The following TTC17 variants were observed in gnomAD, a reference collection of about 807,000 sequenced individuals.
TTC17 encodes the protein tetratricopeptide repeat domain 17, also known as tetratricopeptide repeat protein 17.
In TTC17, 58 loss-of-function variants were observed where a neutral mutation model predicts 143.8. The observed-to-expected ratio is 0.40, with a 90% confidence interval of 0.33 to 0.50. The LOEUF (loss-of-function observed/expected upper bound fraction) is 0.50, where lower values mean the gene tolerates loss of function less well. Ranked by LOEUF, TTC17 falls within the 20% of genes least tolerant of loss-of-function variation. The pLI is 0.49. For missense variants in TTC17, 1,273 were observed against 1,392.5 expected (o/e 0.91, Z 1.37); for synonymous variants, 501 against 497.8 (o/e 1.01, Z -0.09).
intron 2 of TTC17, chr11:43,385,715 AAG>A (rs1857144360): frequency 6.6e-6 from 1 of 151,454 alleles, no homozygotes. Context: ...TGTCTTTAAA[AAG>A]AAAAAAAAAA....
chr11:43,373,090 A>G (rs1275139012), intron 1 of TTC17, among the ~76,000 whole-genome samples: 1 of 152,198 alleles, frequency 6.6e-6, no homozygotes, highest in Non-Finnish European at 1.5e-5. Context: ...TATCTCTGAA[A>G]GTGAAATTTC....
At chr11:43,415,137 T>G (rs1946747496) in intron 16 of TTC17, among the ~76,000 whole-genome samples, 1 of 152,188 alleles carries the variant, frequency 6.6e-6, no homozygotes, top group Admixed American at 6.6e-5. Flanking sequence ...TATACAGTTT[T>G]AATTGAAGCA....
intron 1 of TTC17, among the ~76,000 whole-genome samples, chr11:43,372,342 G>A (rs1040698868): frequency 2.0e-5 from 3 of 151,046 alleles, no homozygotes; most frequent in East Asian, 1.9e-4. Context: ...CACTCTTGTC[G>A]CCCAGGCTGG....
intron 5 of TTC17, among the ~76,000 whole-genome samples, chr11:43,394,442 A>G (rs935526661): frequency 1.3e-5 from 2 of 152,230 alleles, no homozygotes; most frequent in Non-Finnish European, 2.9e-5. Flanking sequence ...CAGTAGTTCA[A>G]GAGAGAGATG....
intron 2 of TTC17, among the ~76,000 whole-genome samples, chr11:43,382,416 TTAA>T (rs1319184563): frequency 2.6e-5 from 4 of 152,122 alleles, no homozygotes; most frequent in Non-Finnish European, 4.4e-5. Context: ...CTAGATAAAA[TTAA>T]TAATATGTAG....
In TTC17 at chr11:43,491,859, A is replaced by G. The variant is rs887157748; in HGVS notation, c.3151-161A>G. ...ATTTATATTCTGGTACAAGCACCTT[A>G]TCTATCACAGACCAGTAGCAAACAG... On this transcript the variant is annotated intron_variant, in intron 22 of 23. Transcript: ENST00000039989. 8.2e-5 allele frequency: 65 copies of G among 790,048 alleles called. No individual in the cohort carries two copies. The African/African-American group carries it at 1.1e-3, about 13-fold the overall frequency. 48.9% of individuals were successfully genotyped at this position (790,048 alleles called of 1,614,324 possible).
intron 2 of TTC17, among the ~76,000 whole-genome samples, chr11:43,385,190 A>G (rs1857124475): frequency 6.6e-6 from 1 of 152,224 alleles, no homozygotes; most frequent in Non-Finnish European, 1.5e-5. Context: ...ATCTATATAT[A>G]TCTATATGTA....
At chr11:43,480,232 A>G (rs1948260899) in intron 21 of TTC17, among the ~76,000 whole-genome samples, 1 of 152,220 alleles carries the variant, frequency 6.6e-6, no homozygotes, top group Admixed American at 6.5e-5. Context: ...AGCTTACTAT[A>G]TGCCATTTAC....
intron 21 of TTC17, among the ~76,000 whole-genome samples, chr11:43,470,479 C>T (rs150037094): frequency 2.6e-5 from 4 of 152,192 alleles, no homozygotes; most frequent in Non-Finnish European, 4.4e-5. Context: ...CCGTGACACT[C>T]AGAAGCTCAA....
intron 21 of TTC17, among the ~76,000 whole-genome samples, chr11:43,472,475 A>T (rs1305661922): frequency 2.0e-5 from 3 of 152,238 alleles, no homozygotes; most frequent in African/African-American, 7.2e-5. Flanking sequence ...ATAATGATAA[A>T]ATGATCACTA....
At chr11:43,445,040 A>C (rs920275633) in intron 18 of TTC17, among the ~76,000 whole-genome samples, 1 of 152,214 alleles carries the variant, frequency 6.6e-6, no homozygotes, top group Non-Finnish European at 1.5e-5. Flanking sequence ...CTTATAATAA[A>C]AATTTGTAAA....
chr11:43,434,140 T>TC (rs942735870), intron 16 of TTC17, among the ~76,000 whole-genome samples: 17 of 150,160 alleles, frequency 1.1e-4, no homozygotes, highest in African/African-American at 4.2e-4. Flanking sequence ...GCTCATGGCT[T>TC]CTTTCCCATT....
Position 43,494,044 on chromosome 11 carries a change from G to A in TTC17, c.*140G>A. ...CTTATAACAGGACTTTTACATATGT[G>A]GGAATTGGTTTGTTTTTGTTTTTAC... On this transcript the variant is annotated 3_prime_UTR_variant, in exon 24 of 24. Transcript: ENST00000039989. The A allele has an allele frequency of 8.0e-7, 1 of 1,250,040 alleles. No homozygotes were observed. The highest frequency in any genetic ancestry group is 1.1e-6 in the Non-Finnish European group (1 of 935,350). The allele number at this position is 1,250,040 out of a possible 1,614,324, so 77.4% of individuals were successfully genotyped here. A position where few individuals can be genotyped will look rare whatever the true frequency, so the allele number is the denominator to read the frequency against.
chr11:43,366,519 A>G (rs1856350141), intron 1 of TTC17, among the ~76,000 whole-genome samples: 1 of 152,002 alleles, frequency 6.6e-6, no homozygotes, highest in South Asian at 2.1e-4. Context: ...AAAAAAAAAA[A>G]AATTGAATTC....
At chr11:43,372,672 A>G (rs1434129348) in intron 1 of TTC17, among the ~76,000 whole-genome samples, 2 of 151,680 alleles carry the variant, frequency 1.3e-5, no homozygotes, top group African/African-American at 2.4e-5. Flanking sequence ...TGTAATTTTA[A>G]TAGAGATGGG....
chr11:43,397,981 G>T lies in TTC17; in HGVS notation c.926G>T (p.Gly309Val). 1 of 1,609,784 alleles carries T rather than the reference G, an allele frequency of 6.2e-7. No individual in the cohort carries two copies. The highest frequency in any genetic ancestry group is 8.5e-7 in the Non-Finnish European group (1 of 1,178,346). The stretch of plus-strand genomic sequence containing the variant: ...TTGTTTTTGTCTCTTCAGATGCTTG[G>T]GGAATATAACCACTCAGTGCTCTGT... ...YTLGNIYAML[G>V]EYNHSVLCYD... The change falls in exon 8 of 24, where the codon GGG (glycine) becomes GTG (valine). Residue 309 changes from glycine to valine, a missense_variant. Gly to Val is a moderately radical substitution (Grantham distance 109). This residue lies in a region of TTC17 where 325 missense variants were observed against 444.2 expected (regional missense o/e 0.73). Transcript: ENST00000039989.
intron 10 of TTC17, among the ~76,000 whole-genome samples, chr11:43,402,635 A>G (rs1249450586): frequency 2.6e-5 from 4 of 152,150 alleles, no homozygotes; most frequent in African/African-American, 9.7e-5. Context: ...AAAAGAAATG[A>G]TCATTGGAGC....
At chr11:43,442,133 G>A (rs1341506011) in intron 16 of TTC17, among the ~76,000 whole-genome samples, 2 of 152,244 alleles carry the variant, frequency 1.3e-5, no homozygotes. Context: ...GTAGGCAAGC[G>A]TAACACAATG....
intron 1 of TTC17, chr11:43,370,239 C>G: frequency 2.9e-6 from 1 of 347,104 alleles, no homozygotes; most frequent in Non-Finnish European, 5.7e-6. Context: ...AACAGACTTT[C>G]TGCCTGCGTC....
Sources: allele counts gnomAD v4.1 joint callset (sites outside exome capture counted in the v4.1 genomes callset), GRCh38; gene constraint gnomAD v4.1.1; regional missense constraint gnomAD v4.1.1; transcripts MANE v1.5; gene names NCBI Gene and HGNC (gene_info 2026-07-23, HGNC 2026-07-21).